Variants in ERMARD observed in about 807,000 individuals in gnomAD.
The protein encoded by ERMARD is ER membrane associated RNA degradation.
A neutral mutation model predicts 83.9 loss-of-function variants in ERMARD; 71 were observed. That is an observed-to-expected ratio of 0.85 (90% confidence interval 0.70 to 1.03). The LOEUF is 1.03. Ranked by LOEUF, ERMARD falls within the 50% of genes least tolerant of loss-of-function variation. The pLI, the probability that ERMARD is intolerant of heterozygous loss-of-function variation, is 0.00. For missense variants in ERMARD, 838 were observed against 810.9 expected (o/e 1.03, Z -0.41); for synonymous variants, 284 against 298.6 (o/e 0.95, Z 0.50).
chr6:169,760,497 C>G, intron 7 of ERMARD, 145 bp from the exon 8 acceptor site: 2 of 620,342 alleles, frequency 3.2e-6, no homozygotes, highest in Non-Finnish European at 5.6e-6. Context: ...CAGGGCAATC[C>G]TACTCTCTAA....
chr6:169,755,726 C>A, intron 3 of ERMARD: 1 of 298,084 alleles, frequency 3.4e-6, no homozygotes, highest in African/African-American at 2.1e-5. Flanking sequence ...CAGAATAAGG[C>A]GTTGTGGAGA....
At chr6:169,777,198 T>A (rs748135758) in intron 16 of ERMARD, among the ~76,000 whole-genome samples, 2 of 152,164 alleles carry the variant, frequency 1.3e-5, no homozygotes, top group Non-Finnish European at 2.9e-5. Flanking sequence ...GCATTTTACA[T>A]AGGGCAGAGG....
intron 9 of ERMARD, among the ~76,000 whole-genome samples, chr6:169,763,440 C>T (rs1252246947): frequency 3.9e-5 from 6 of 152,204 alleles, no homozygotes; most frequent in Non-Finnish European, 7.3e-5. Context: ...TGGTGCATGC[C>T]CCTCTCTAAG....
chr6:169,767,739 C>T (rs991535954), intron 10 of ERMARD: 3 of 261,680 alleles, frequency 1.1e-5, no homozygotes, highest in African/African-American at 2.6e-5. Context: ...GGCATACACA[C>T]ATGCAGGCAC....
At chr6:169,760,842 G>C in intron 8 of ERMARD, 86 bp downstream of exon 8, 1 of 922,206 alleles carries the variant, frequency 1.1e-6, no homozygotes, top group Non-Finnish European at 1.7e-6. Context: ...GCTTTTTGCT[G>C]TTGGAGTAGA....
chr6:169,756,840 A>G (rs1285237814), intron 5 of ERMARD, 32 bp downstream of exon 5: 3 of 1,585,578 alleles, frequency 1.9e-6, no homozygotes, highest in African/African-American at 2.7e-5. Context: ...CATGGAGTAT[A>G]TTAGTCCGTT....
At chr6:169,765,675 G>C (rs1792105249) in intron 9 of ERMARD, among the ~76,000 whole-genome samples, 1 of 152,214 alleles carries the variant, frequency 6.6e-6, no homozygotes, top group African/African-American at 2.4e-5. Flanking sequence ...AGTCATCTGT[G>C]TAGTAATGTT....
intron 17 of ERMARD, among the ~76,000 whole-genome samples, chr6:169,780,817 A>G (rs1255044839): frequency 6.6e-6 from 1 of 152,194 alleles, no homozygotes; most frequent in Non-Finnish European, 1.5e-5. Context: ...GCAAACACAG[A>G]TTGAAATTAC....
chr6:169,760,388 C>A (rs1791394681), intron 7 of ERMARD, among the ~76,000 whole-genome samples: 1 of 152,178 alleles, frequency 6.6e-6, no homozygotes, highest in Non-Finnish European at 1.5e-5. Context: ...TTCTCTTGGT[C>A]ATTGTGCTCA....
At chr6:169,767,672 A>G (rs1792379953) in intron 10 of ERMARD, 1 of 204,900 alleles carries the variant, frequency 4.9e-6, no homozygotes, top group African/African-American at 2.3e-5. Context: ...TGTGTACACA[A>G]CACACATGCA....
At chr6:169,760,561 T>G (rs1158162403) in intron 7 of ERMARD, 81 bp from the exon 8 acceptor site, 5 of 1,008,068 alleles carry the variant, frequency 5.0e-6, no homozygotes, top group Non-Finnish European at 7.4e-6. Context: ...GTTGGCTCAT[T>G]GGCATCACTC....
intron 3 of ERMARD, 98 bp downstream of exon 3, chr6:169,755,520 A>G (rs1390676877): frequency 2.0e-6 from 3 of 1,473,372 alleles, no homozygotes; most frequent in African/African-American, 1.4e-5. Flanking sequence ...CTTCATCCCC[A>G]GGCCCTCCAG....
rs763550122 is a variant in ERMARD, at chr6:169,768,172, G to GT, written c.1059+2dup. 1 of 1,613,074 alleles carries GT rather than the reference G, an allele frequency of 6.2e-7. No individual in the cohort carries two copies. Among genetic ancestry groups the GT allele is most frequent in the Non-Finnish European group, 8.5e-7 (1 of 1,179,102 alleles). Reference sequence around the variant, plus strand: ...TCTTTTCCTTGGAGAGCCTGCTATGGTAAGTATTAGGTATTTTCCAGGCTA... The same window carrying GT: ...TCTTTTCCTTGGAGAGCCTGCTATGGTTAAGTATTAGGTATTTTCCAGGCTA... On this transcript the variant is annotated splice_donor_variant, in intron 11 of 17. Coordinates refer to ENST00000366773, the MANE Select transcript of ERMARD (RefSeq NM_018341.3). LOFTEE classifies it high-confidence loss of function.
At chr6:169,778,073 A>T (rs1287978229) in intron 16 of ERMARD, among the ~76,000 whole-genome samples, 1 of 152,174 alleles carries the variant, frequency 6.6e-6, no homozygotes, top group Non-Finnish European at 1.5e-5. Context: ...GGGACCATGG[A>T]GATGCGCCAG....
chr6:169,752,111 C>T (rs1790195507), intron 1 of ERMARD, among the ~76,000 whole-genome samples: 1 of 152,222 alleles, frequency 6.6e-6, no homozygotes. Flanking sequence ...GTCCCATCTA[C>T]TCCGTAGGCT....
At chr6:169,760,066 G>A (rs1791341678) in intron 7 of ERMARD, 92 bp downstream of exon 7, 7 of 1,557,224 alleles carry the variant, frequency 4.5e-6, no homozygotes, top group Non-Finnish European at 6.1e-6. Context: ...CTTGAGGTGG[G>A]GTGAAGTAGT....
At chr6:169,776,968 G>A (rs909388672) in intron 16 of ERMARD, among the ~76,000 whole-genome samples, 1 of 152,180 alleles carries the variant, frequency 6.6e-6, no homozygotes, top group African/African-American at 2.4e-5. Context: ...CACATTTTAG[G>A]GAGACATAAG....
chr6:169,754,652 A>G lies in ERMARD; in HGVS notation c.175+620A>G, dbSNP rs139780208. On this transcript the variant is annotated intron_variant, in intron 2 of 17. Transcript: ENST00000366773. ...TTATGATAAATTCATATAATGGAAT[A>G]TTATGCAGTGGTAGAAAAGAATGAG... Among the ~76,000 whole-genome samples the G allele has an allele frequency of 9.3e-3, 1,420 of 152,278 alleles. 15 individuals are homozygous for G. The highest frequency in any genetic ancestry group is 0.032 in the African/African-American group (1,327 of 41,560).
intron 9 of ERMARD, among the ~76,000 whole-genome samples, chr6:169,763,495 G>A (rs1006232923): frequency 3.3e-4 from 51 of 152,348 alleles, no homozygotes; most frequent in East Asian, 3.9e-4. Flanking sequence ...GGGCTTAGTC[G>A]CACTTGCTGC....
Sources: allele counts gnomAD v4.1 joint callset (sites outside exome capture counted in the v4.1 genomes callset), GRCh38; gene constraint gnomAD v4.1.1; transcripts MANE v1.5; gene names NCBI Gene and HGNC (gene_info 2026-07-23, HGNC 2026-07-21).